Variants in GJA3 observed in about 807,000 individuals in gnomAD.
GJA3 encodes the protein gap junction protein alpha 3.
For missense variants in GJA3, 571 were observed against 620.3 expected (o/e 0.92, Z 0.84); for synonymous variants, 297 against 292.6 (o/e 1.02, Z -0.15).
intron 1 of GJA3, among the ~76,000 whole-genome samples, chr13:20,158,647 C>A (rs371741834): frequency 6.5e-4 from 98 of 151,886 alleles, no homozygotes; most frequent in African/African-American, 2.2e-3. Flanking sequence ...CGCGGTGGCT[C>A]ACGCCTGTAA....
Position 20,140,958 on chromosome 13 carries a change from CCT to C in GJA3, c.*1021_*1022del, listed in dbSNP as rs1958803558. ...TATTTGAATGCACTTAAAACTTTCC[CCT>C]GCTTTTGTTTTATATAATACATTCT... is the stretch of plus-strand genomic sequence containing the variant. On this transcript the variant is annotated 3_prime_UTR_variant, in exon 2 of 2. Coordinates refer to ENST00000241125, the MANE Select transcript of GJA3 (RefSeq NM_021954.4). 1 of 152,158 alleles carries C rather than the reference CCT, an allele frequency of 6.6e-6. No homozygotes were observed. Among genetic ancestry groups the C allele is most frequent in the African/African-American group, 2.4e-5 (1 of 41,444 alleles). The allele number at this position is 152,158 out of a possible 1,614,324, so 9.4% of individuals were successfully genotyped here.
intron 1 of GJA3, among the ~76,000 whole-genome samples, chr13:20,151,280 C>G (rs564244393): frequency 6.6e-6 from 1 of 152,224 alleles, no homozygotes; most frequent in South Asian, 2.1e-4. Flanking sequence ...GATAAGGAAG[C>G]TTGATAGCAA....
At chr13:20,159,103 C>T (rs1350595870) in intron 1 of GJA3, among the ~76,000 whole-genome samples, 2 of 151,844 alleles carry the variant, frequency 1.3e-5, no homozygotes, top group South Asian at 2.1e-4. Context: ...GACATATATG[C>T]TGTTGTCACA....
chr13:20,139,235 T>A lies in GJA3; in HGVS notation c.*2746A>T, dbSNP rs528346829. ...AAAACAGGGATATAAGAAGTAATTG[T>A]ATACAGCAGCTTAAAAACCATGTAT... On this transcript the variant is annotated 3_prime_UTR_variant, in exon 2 of 2. Transcript: ENST00000241125. 4 of 152,300 alleles carry A rather than the reference T, an allele frequency of 2.6e-5. No individual in the cohort carries two copies. Among genetic ancestry groups the A allele is most frequent in the South Asian group, 4.1e-4 (2 of 4,828 alleles). The allele number at this position is 152,300 out of a possible 1,614,324, so 9.4% of individuals were successfully genotyped here. A position where few individuals can be genotyped will look rare whatever the true frequency, so the allele number is the denominator to read the frequency against.
chr13:20,150,007 G>T (rs1233563220), intron 1 of GJA3, among the ~76,000 whole-genome samples: 1 of 152,118 alleles, frequency 6.6e-6, no homozygotes, highest in East Asian at 1.9e-4. Context: ...ACAGGCAGAC[G>T]AATGGAAAAA....
chr13:20,142,967 C>T lies in GJA3; in HGVS notation c.322G>A (p.Glu108Lys), dbSNP rs1257122566. ...HIVRMEEKKKEREEEEQLKRE... is the reference protein window; with the variant it reads ...HIVRMEEKKKKREEEEQLKRE... ...TTCAGCTGCTCCTCCTCCTCCCTCTCTTTCTTCTTCTCTTCCATGCGCACG... is the reference window on the plus strand; with the variant it reads ...TTCAGCTGCTCCTCCTCCTCCCTCTTTTTCTTCTTCTCTTCCATGCGCACG... Residue 108 changes from glutamate (E) to lysine (K), a missense_variant, in exon 2 of 2, where the codon GAG becomes AAG. Physicochemically the swap from Glu to Lys is moderately conservative, Grantham distance 56 (BLOSUM62 1). Transcript: ENST00000241125. The T allele has an allele frequency of 3.2e-6, 5 of 1,583,880 alleles. No homozygotes were observed. Among genetic ancestry groups the T allele is most frequent in the Non-Finnish European group, 4.3e-6 (5 of 1,165,058 alleles).
chr13:20,146,244 C>A (rs114399038), intron 1 of GJA3, among the ~76,000 whole-genome samples: 1 of 152,174 alleles, frequency 6.6e-6, no homozygotes, highest in African/African-American at 2.4e-5. Flanking sequence ...GTCTGCTGCC[C>A]GTCACAGACT....
At chr13:20,150,663 G>A (rs934102748) in intron 1 of GJA3, among the ~76,000 whole-genome samples, 1 of 152,160 alleles carries the variant, frequency 6.6e-6, no homozygotes, top group Non-Finnish European at 1.5e-5. Context: ...CACCTCTCAA[G>A]ACAATGTGGG....
At position 20,141,241 on chromosome 13, in the gene GJA3, C is replaced by G. The variant is rs141947045; in HGVS notation, c.*740G>C. 1 of 152,192 alleles carries G rather than the reference C, an allele frequency of 6.6e-6. No homozygotes were observed. Among genetic ancestry groups the G allele is most frequent in the Admixed American group, 6.5e-5 (1 of 15,288 alleles). The allele number at this position is 152,192 out of a possible 1,614,324, so 9.4% of individuals were successfully genotyped here. On this transcript the variant is annotated 3_prime_UTR_variant, in exon 2 of 2. Coordinates refer to ENST00000241125, the MANE Select transcript of GJA3 (RefSeq NM_021954.4). ...AGAAAATAAATACCTACGGCATACC[C>G]GACACACTTTTATGTCAATTTCCTC...
At position 20,141,760 on chromosome 13, in the gene GJA3, C is replaced by G. The variant is rs1000187616; in HGVS notation, c.*221G>C. The G allele has an allele frequency of 4.6e-5, 30 of 653,960 alleles. No homozygotes were observed. The highest frequency in any genetic ancestry group is 6.6e-5 in the Non-Finnish European group (27 of 407,358). The allele number at this position is 653,960 out of a possible 1,614,324, so 40.5% of individuals were successfully genotyped here. On this transcript the variant is annotated 3_prime_UTR_variant, in exon 2 of 2. Coordinates refer to ENST00000241125, the MANE Select transcript of GJA3 (RefSeq NM_021954.4). The stretch of plus-strand genomic sequence containing the variant: ...AACCCTTGTCCCCGCCACCCCCAAA[C>G]TCAGAAAGTGGGAGTTATCCCCACT...
At chr13:20,161,402 C>T (rs1185963044), upstream of GJA3, among the ~76,000 whole-genome samples, 4 of 152,034 alleles carry the variant, frequency 2.6e-5, no homozygotes, top group Non-Finnish European at 5.9e-5. Context: ...GCGCCCACCG[C>T]ACGCAGATGC....
rs767584645 is a variant in GJA3, at chr13:20,138,372, C to T, written c.*3609G>A. On this transcript the variant is annotated 3_prime_UTR_variant, in exon 2 of 2. Coordinates refer to ENST00000241125, the MANE Select transcript of GJA3 (RefSeq NM_021954.4). Reference sequence around the variant, plus strand: ...AGTTTTAGTAAGAGTTTTGTAAATACATGAGCTAAATGAACATTTACACAC... The same window carrying T: ...AGTTTTAGTAAGAGTTTTGTAAATATATGAGCTAAATGAACATTTACACAC... 4 of 152,320 alleles carry T rather than the reference C, an allele frequency of 2.6e-5. No homozygotes were observed. Among genetic ancestry groups the T allele is most frequent in the Middle Eastern group, 3.4e-3 (1 of 294 alleles). The allele number at this position is 152,320 out of a possible 1,614,324, so 9.4% of individuals were successfully genotyped here. A position where few individuals can be genotyped will look rare whatever the true frequency, so the allele number is the denominator to read the frequency against.
rs576415503 is a variant in GJA3, at chr13:20,155,361, C to T, written c.-18+5529G>A. Reference sequence around the variant, plus strand: ...CTATAGAAGAGTTTGGGACTAATGTCTTTTTTTTTAGGGGGGTAGGAGGGA... The same window carrying T: ...CTATAGAAGAGTTTGGGACTAATGTTTTTTTTTTTAGGGGGGTAGGAGGGA... On this transcript the variant is annotated intron_variant, in intron 1 of 1. Transcript: ENST00000241125. Among the ~76,000 whole-genome samples, 98 of 150,748 alleles carry T rather than the reference C, an allele frequency of 6.5e-4. 1 individual carries two copies. Among genetic ancestry groups the T allele is most frequent in the African/African-American group, 2.2e-3 (89 of 41,142 alleles).
At chr13:20,147,457 A>AT (rs1439591051) in intron 1 of GJA3, among the ~76,000 whole-genome samples, 2 of 152,226 alleles carry the variant, frequency 1.3e-5, no homozygotes, top group Non-Finnish European at 2.9e-5. Flanking sequence ...ATTAGATGTA[A>AT]TTTTTCAGAA....
At chr13:20,155,693 C>T in intron 1 of GJA3, among the ~76,000 whole-genome samples, 1 of 151,306 alleles carries the variant, frequency 6.6e-6, no homozygotes, top group East Asian at 1.9e-4. Context: ...TATTTTCTCC[C>T]TTGTCCTATT....
chr13:20,141,813 CA>C lies in GJA3; in HGVS notation c.*167del. On this transcript the variant is annotated 3_prime_UTR_variant, in exon 2 of 2. Coordinates refer to ENST00000241125, the MANE Select transcript of GJA3 (RefSeq NM_021954.4). ...AACTCACAGTGCTAAGAACAGCAAG[CA>C]TTGAACACGGAAACCTGATCTCTCC... 1 of 985,518 alleles carries C rather than the reference CA, an allele frequency of 1.0e-6. No individual in the cohort carries two copies. Among genetic ancestry groups the C allele is most frequent in the East Asian group, 2.7e-5 (1 of 36,810 alleles). The allele number at this position is 985,518 out of a possible 1,614,324, so 61.0% of individuals were successfully genotyped here. A position where few individuals can be genotyped will look rare whatever the true frequency, so the allele number is the denominator to read the frequency against.
At chr13:20,143,565 C>T (rs1463294165) in intron 1 of GJA3, among the ~76,000 whole-genome samples, 3 of 152,084 alleles carry the variant, frequency 2.0e-5, no homozygotes, top group Non-Finnish European at 4.4e-5. Context: ...CTCCTCTGGC[C>T]TCCAGACTGC....
chr13:20,142,072 T>G lies in GJA3; in HGVS notation c.1217A>C (p.Gln406Pro). The G allele has an allele frequency of 1.3e-6, 2 of 1,549,758 alleles. No homozygotes were observed. Among genetic ancestry groups the G allele is most frequent in the Non-Finnish European group, 1.7e-6 (2 of 1,146,634 alleles). The change falls in exon 2 of 2, where the codon CAG (glutamine) becomes CCG (proline). Residue 406 changes from glutamine (Q) to proline (P), a missense_variant. Physicochemically the swap from Gln to Pro is moderately conservative, Grantham distance 76. Coordinates refer to ENST00000241125, the MANE Select transcript of GJA3 (RefSeq NM_021954.4). Reference sequence around the variant, plus strand: ...TGGGTCTCCGAGGGGCAAGGGCGGCTGGTGCATCTGGGCCGCGGTGGTCAC... The same window carrying G: ...TGGGTCTCCGAGGGGCAAGGGCGGCGGGTGCATCTGGGCCGCGGTGGTCAC... ...QAVTTAAQMH[Q>P]PPLPLGDPGR...
At chr13:20,156,777 A>C (rs1260893664) in intron 1 of GJA3, among the ~76,000 whole-genome samples, 2 of 152,216 alleles carry the variant, frequency 1.3e-5, no homozygotes, top group Non-Finnish European at 2.9e-5. Flanking sequence ...AGAAATCAGC[A>C]CTAAAGCACC....
Sources: allele counts gnomAD v4.1 joint callset (sites outside exome capture counted in the v4.1 genomes callset), GRCh38; gene constraint gnomAD v4.1.1; transcripts MANE v1.5; gene names NCBI Gene and HGNC (gene_info 2026-07-23, HGNC 2026-07-21).